Variants in ZNF236 observed in about 807,000 individuals in gnomAD.
ZNF236 encodes regulated by glucose.
A neutral mutation model predicts 191.2 loss-of-function variants in ZNF236; 50 were observed. That is an observed-to-expected ratio of 0.26 (90% CI 0.21 to 0.33). The LOEUF (loss-of-function observed/expected upper bound fraction) is 0.33. Among genes scored for constraint, ZNF236 ranks in the 10% least tolerant of loss-of-function variants. The pLI, the probability that ZNF236 is intolerant of heterozygous loss-of-function variation, is 1.00. For synonymous variants in ZNF236, 907 were observed against 928.8 expected, an observed-to-expected ratio of 0.98 and a Z score of 0.43; for missense variants, 1,754 against 2,374.5, an observed-to-expected ratio of 0.74 and a Z score of 5.43.
intron 17 of ZNF236, 40 bp downstream of exon 17, chr18:76,912,387 C>G (rs777731083): frequency 4.7e-6 from 7 of 1,485,752 alleles, no homozygotes; most frequent in Non-Finnish European, 5.6e-6. Context: ...ATTGCCGGCT[C>G]CCAGGAACGG....
chr18:76,854,435 A>T (rs1975983762), intron 3 of ZNF236, among the ~76,000 whole-genome samples: 2 of 152,052 alleles, frequency 1.3e-5, no homozygotes, highest in Admixed American at 1.3e-4. Context: ...GTTATCACTC[A>T]TTATCAAATA....
At chr18:76,863,999 T>C (rs1976323665) in intron 3 of ZNF236, among the ~76,000 whole-genome samples, 1 of 152,174 alleles carries the variant, frequency 6.6e-6, no homozygotes, top group Non-Finnish European at 1.5e-5. Context: ...CTCCATGATG[T>C]GGGTGAGCCT....
At position 76,960,431 on chromosome 18, in the gene ZNF236, C is replaced by T. The variant is rs1255444937; in HGVS notation, c.5243-248C>T. Among the ~76,000 whole-genome samples, 2 of 152,166 alleles carry T rather than the reference C, an allele frequency of 1.3e-5. No individual in the cohort carries two copies. The highest frequency in any genetic ancestry group is 1.3e-4 in the Admixed American group (2 of 15,288). ...CACTGTGGGCCTGGGGTTCCACAGG[C>T]TGCATCCACCGTGGCCCTTCCATGG... On this transcript the variant is annotated intron_variant, in intron 29 of 30. Coordinates refer to ENST00000320610, the MANE Select transcript of ZNF236 (RefSeq NM_001306089.2). The surrounding 1 kb of genome is among the most constrained non-coding windows in gnomAD (Gnocchi z 4.4).
In ZNF236 at chr18:76,834,651, A is replaced by G. The variant is rs925594057; in HGVS notation, c.55+11989A>G. Reference sequence around the variant, plus strand: ...TTTTCCCGTTGCACCCATTCAATGTAGAGGACATATTTCTTCCTGTAAACC... The same window carrying G: ...TTTTCCCGTTGCACCCATTCAATGTGGAGGACATATTTCTTCCTGTAAACC... On this transcript the variant is annotated intron_variant, in intron 1 of 30. Coordinates refer to ENST00000320610, the MANE Select transcript of ZNF236 (RefSeq NM_001306089.2). The G allele has an allele frequency of 4.7e-5, 21 of 448,356 alleles. No individual in the cohort carries two copies. In the Admixed American group the frequency reaches 5.1e-4, roughly 11 times the overall value. The allele number at this position is 448,356 out of a possible 1,614,324, so 27.8% of individuals were successfully genotyped here.
At chr18:76,944,437 A>G (rs1039256123) in intron 26 of ZNF236, among the ~76,000 whole-genome samples, 3 of 152,218 alleles carry the variant, frequency 2.0e-5, no homozygotes, top group African/African-American at 7.2e-5. Flanking sequence ...AGTATAGCTA[A>G]TCGTTGAGTA....
intron 28 of ZNF236, among the ~76,000 whole-genome samples, chr18:76,958,373 T>C (rs180802768): frequency 2.6e-4 from 40 of 152,282 alleles, no homozygotes; most frequent in African/African-American, 9.4e-4. Flanking sequence ...GTCATCAGCA[T>C]AGAGTGGCAG....
rs183989163 is a variant in ZNF236 at position 76,922,129 on chromosome 18, C to A, written c.3558-942C>A. Reference sequence around the variant, plus strand: ...AAACCTATTTTATTCTTTTTAATGGCAGTGTAGGGTTCTGTTGCATGGGGA... The same window carrying A: ...AAACCTATTTTATTCTTTTTAATGGAAGTGTAGGGTTCTGTTGCATGGGGA... On this transcript the variant is annotated intron_variant, in intron 20 of 30. Coordinates refer to ENST00000320610, the MANE Select transcript of ZNF236 (RefSeq NM_001306089.2). Among the ~76,000 whole-genome samples the A allele has an allele frequency of 1.1e-4, 16 of 152,252 alleles. No individual in the cohort carries two copies. In the East Asian group the frequency reaches 2.9e-3, roughly 28 times the overall value.
rs746069116 is a variant in ZNF236, at chr18:76,881,307, G to A, written c.1212G>A (p.Leu404=). 4 of 1,614,076 alleles carry A rather than the reference G, an allele frequency of 2.5e-6. No homozygotes were observed. Among genetic ancestry groups the A allele is most frequent in the Non-Finnish European group, 3.4e-6 (4 of 1,180,030 alleles). ...ILQQALENSG[L]SSIPAAAHPN... is the part of the protein sequence containing the mutation. ...AGCAAGCCTTAGAAAACAGTGGGCT[G>A]TCTTCAATTCCAGCTGCAGCACATC... The change falls in exon 9 of 31, where the codon CTG becomes CTA. Residue 404 remains leucine, a synonymous_variant. Transcript: ENST00000320610.
intron 1 of ZNF236, among the ~76,000 whole-genome samples, chr18:76,823,161 C>G (rs1974913638): frequency 6.6e-6 from 1 of 152,046 alleles, no homozygotes; most frequent in Non-Finnish European, 1.5e-5. Flanking sequence ...GCCCCGGGGA[C>G]GTTGGGCTCG....
chr18:76,914,222 C>T (rs1351311468), intron 18 of ZNF236, among the ~76,000 whole-genome samples: 2 of 152,192 alleles, frequency 1.3e-5, no homozygotes, highest in Non-Finnish European at 2.9e-5. Context: ...CTGCTTCTTT[C>T]ACAGCACAGT....
intron 7 of ZNF236, among the ~76,000 whole-genome samples, chr18:76,879,147 G>A (rs1246840559): frequency 6.6e-6 from 1 of 152,070 alleles, no homozygotes; most frequent in Non-Finnish European, 1.5e-5. Context: ...TTGGCAATAT[G>A]CAAATCAAAA....
chr18:76,854,636 T>C lies in ZNF236; in HGVS notation c.363+2697T>C, dbSNP rs554514268. ...GATTTAGCATAGTAAAATTTAATAG[T>C]TTTCATCATTGTTTAACATTTACAT... On this transcript the variant is annotated intron_variant, in intron 3 of 30. Transcript: ENST00000320610. Among the ~76,000 whole-genome samples, 19 of 152,068 alleles carry C rather than the reference T, an allele frequency of 1.2e-4. No homozygotes were observed. In the South Asian group the frequency reaches 3.7e-3, roughly 30 times the overall value.
At chr18:76,922,854 G>GC (rs1231134748) in intron 20 of ZNF236, among the ~76,000 whole-genome samples, 1 of 152,122 alleles carries the variant, frequency 6.6e-6, no homozygotes, top group Non-Finnish European at 1.5e-5. Flanking sequence ...ACCGCTCCTG[G>GC]CCCTAAGGAA....
At chr18:76,943,213 A>G (rs1968181992) in intron 26 of ZNF236, among the ~76,000 whole-genome samples, 1 of 152,138 alleles carries the variant, frequency 6.6e-6, no homozygotes, top group Non-Finnish European at 1.5e-5. Flanking sequence ...CATAATTCTA[A>G]TTTAAAACTT....
In ZNF236 at chr18:76,862,333, A is replaced by G. The variant is rs1976264399; in HGVS notation, c.364-6352A>G. Among the ~76,000 whole-genome samples, 3 of 152,152 alleles carry G rather than the reference A, an allele frequency of 2.0e-5. No homozygotes were observed. The South Asian group carries it at 6.2e-4, about 32-fold the overall frequency. ...AAAATCTTTTTATGGTATTTACTCA[A>G]TTCCAATGAAATGCCAACTGAAAAG... On this transcript the variant is annotated intron_variant, in intron 3 of 30. Transcript: ENST00000320610.
At chr18:76,844,921 A>C (rs546744574) in intron 1 of ZNF236, among the ~76,000 whole-genome samples, 1 of 152,362 alleles carries the variant, frequency 6.6e-6, no homozygotes, top group South Asian at 2.1e-4. Flanking sequence ...GTCATGGAAT[A>C]GCAGGATTAT....
At chr18:76,953,474 A>T (rs1210520969) in intron 27 of ZNF236, among the ~76,000 whole-genome samples, 1 of 152,176 alleles carries the variant, frequency 6.6e-6, no homozygotes, top group African/African-American at 2.4e-5. Flanking sequence ...CGTTTTACTC[A>T]CAAGGATTCT....
At chr18:76,944,522 T>C (rs1968211094) in intron 26 of ZNF236, among the ~76,000 whole-genome samples, 1 of 152,208 alleles carries the variant, frequency 6.6e-6, no homozygotes, top group Non-Finnish European at 1.5e-5. Flanking sequence ...GGGGGTGTGG[T>C]GGCTCATGCC....
chr18:76,915,165 T>C (rs1408115363), intron 18 of ZNF236, among the ~76,000 whole-genome samples: 1 of 152,212 alleles, frequency 6.6e-6, no homozygotes, highest in Non-Finnish European at 1.5e-5. Flanking sequence ...GAGAGGGCCT[T>C]CTGTATGGGA....
Sources: gnomAD v4.1 joint callset for allele counts (sites outside exome capture counted in the v4.1 genomes callset) on GRCh38, gnomAD v4.1.1 for gene constraint, Gnocchi (gnomAD v3.1) non-coding constraint, MANE v1.5 for transcripts, NCBI Gene and HGNC (gene_info 2026-07-23, HGNC 2026-07-21) for gene names.